The following MAML2 variants were observed in gnomAD, a reference collection of about 807,000 sequenced individuals.
MAML2 encodes mastermind like transcriptional coactivator 2, also known as mastermind-like protein 2.
In MAML2, 22 loss-of-function variants were observed where a neutral mutation model predicts 96.1. The ratio of observed to expected loss-of-function variants is 0.23; its 90% CI spans 0.16 to 0.33. The LOEUF (loss-of-function observed/expected upper bound fraction) is 0.33, where lower values mean the gene tolerates loss of function less well. Among genes scored for constraint, MAML2 ranks in the 10% least tolerant of loss-of-function variants. The pLI, the probability that MAML2 is intolerant of heterozygous loss-of-function variation, is 1.00. For synonymous variants in MAML2, 561 were observed against 521.3 expected (o/e 1.08, Z -1.04); for missense variants, 1,367 against 1,392.4 (o/e 0.98, Z 0.29).
chr11:96,117,457 A>G (rs981866301), intron 1 of MAML2, among the ~76,000 whole-genome samples: 2 of 151,680 alleles, frequency 1.3e-5, no homozygotes, highest in Non-Finnish European at 2.9e-5. Context: ...CACCACACCC[A>G]GCTGATTTTT....
intron 2 of MAML2, among the ~76,000 whole-genome samples, chr11:96,047,569 C>T (rs908725817): frequency 1.3e-5 from 2 of 152,060 alleles, no homozygotes; most frequent in South Asian, 2.1e-4. Context: ...CTTCTTTTCA[C>T]CCCTTCTGAT....
chr11:96,001,665 A>G (rs7949065), intron 2 of MAML2, among the ~76,000 whole-genome samples: 106 of 152,264 alleles, frequency 7.0e-4, no homozygotes, highest in African/African-American at 2.3e-3. Context: ...AAACGTTGGT[A>G]TTTATGAAAG....
chr11:96,337,974 G>C (rs571991722), intron 1 of MAML2, among the ~76,000 whole-genome samples: 1 of 152,308 alleles, frequency 6.6e-6, no homozygotes, highest in South Asian at 2.1e-4. Context: ...AAAACCAAGG[G>C]ATGTAGGCTC....
chr11:96,042,847 C>A lies in MAML2; in HGVS notation c.2139+49045G>T, dbSNP rs11603993. On this transcript the variant is annotated intron_variant, in intron 2 of 4. Transcript: ENST00000524717. Reference sequence around the variant, plus strand: ...GCGTCCTCCAACTTCTGGGTTCAAGCAATTCTCCTGCTTCAGCCTCCTGAG... The same window carrying A: ...GCGTCCTCCAACTTCTGGGTTCAAGAAATTCTCCTGCTTCAGCCTCCTGAG... Among the ~76,000 whole-genome samples, 1,463 of 149,128 alleles carry A rather than the reference C, an allele frequency of 9.8e-3. 29 individuals carry two copies. Among genetic ancestry groups the A allele is most frequent in the African/African-American group, 0.034 (1,379 of 40,256 alleles).
chr11:96,296,629 G>T (rs527416961), intron 1 of MAML2, among the ~76,000 whole-genome samples: 1 of 151,814 alleles, frequency 6.6e-6, no homozygotes, highest in African/African-American at 2.4e-5. Context: ...GGCAACAAAA[G>T]CAAAACTCCA....
At chr11:96,063,290 T>C (rs1254959027) in intron 2 of MAML2, among the ~76,000 whole-genome samples, 1 of 152,164 alleles carries the variant, frequency 6.6e-6, no homozygotes, top group East Asian at 1.9e-4. Flanking sequence ...TGCTTCTCCC[T>C]CTCATAACTT....
intron 1 of MAML2, among the ~76,000 whole-genome samples, chr11:96,232,297 A>G (rs1862304694): frequency 6.6e-6 from 1 of 152,218 alleles, no homozygotes; most frequent in African/African-American, 2.4e-5. Context: ...CCAAGAGAAC[A>G]TATAATTAAG....
At chr11:96,128,636 C>G (rs1841271459) in intron 1 of MAML2, among the ~76,000 whole-genome samples, 1 of 152,136 alleles carries the variant, frequency 6.6e-6, no homozygotes, top group Non-Finnish European at 1.5e-5. Context: ...CTAGGGCTCT[C>G]CAATACCTTT....
chr11:96,132,201 A>G (rs969384494), intron 1 of MAML2, among the ~76,000 whole-genome samples: 1 of 152,264 alleles, frequency 6.6e-6, no homozygotes, highest in Non-Finnish European at 1.5e-5. Flanking sequence ...TGAGCAGGAA[A>G]TTAGGAAAAA....
intron 1 of MAML2, among the ~76,000 whole-genome samples, chr11:96,163,077 A>G (rs1398962802): frequency 1.3e-5 from 2 of 152,222 alleles, no homozygotes; most frequent in Non-Finnish European, 2.9e-5. Flanking sequence ...TCCTATGCCA[A>G]GCAAACTTCA....
intron 1 of MAML2, among the ~76,000 whole-genome samples, chr11:96,169,933 G>A (rs181313656): frequency 6.6e-5 from 10 of 152,234 alleles, no homozygotes; most frequent in African/African-American, 1.9e-4. Context: ...GATTGCAGGC[G>A]TGGGCCACCG....
intron 3 of MAML2, among the ~76,000 whole-genome samples, chr11:95,987,282 C>T (rs942219934): frequency 6.6e-6 from 1 of 152,162 alleles, no homozygotes; most frequent in Admixed American, 6.5e-5. Flanking sequence ...ATCATGGTCT[C>T]AGAGTAACCC....
intron 1 of MAML2, among the ~76,000 whole-genome samples, chr11:96,093,833 C>G (rs746807552): frequency 2.2e-4 from 34 of 152,158 alleles, no homozygotes; most frequent in Non-Finnish European, 4.1e-4. Context: ...TTCACAGTAC[C>G]TAAGATTAAA....
intron 1 of MAML2, among the ~76,000 whole-genome samples, chr11:96,283,431 G>A (rs1377726587): frequency 3.9e-5 from 6 of 152,192 alleles, no homozygotes; most frequent in Non-Finnish European, 7.3e-5. Flanking sequence ...AAGAAACCAT[G>A]AGATGCCATT....
At chr11:96,131,778 G>A (rs1860552981) in intron 1 of MAML2, among the ~76,000 whole-genome samples, 1 of 152,196 alleles carries the variant, frequency 6.6e-6, no homozygotes. Context: ...GAGAGGCTAA[G>A]GCAAGTGGAT....
intron 1 of MAML2, among the ~76,000 whole-genome samples, chr11:96,324,673 C>T (rs1256071566): frequency 6.6e-6 from 1 of 152,146 alleles, no homozygotes; most frequent in Non-Finnish European, 1.5e-5. Flanking sequence ...AAACATTCAT[C>T]GGCTTAAAAA....
intron 2 of MAML2, among the ~76,000 whole-genome samples, chr11:95,995,873 C>T (rs1173874493): frequency 6.6e-6 from 1 of 152,140 alleles, no homozygotes; most frequent in Non-Finnish European, 1.5e-5. Context: ...GGAAGATAAG[C>T]TACACATACC....
chr11:96,329,495 C>T (rs923857423), intron 1 of MAML2, among the ~76,000 whole-genome samples: 1 of 152,132 alleles, frequency 6.6e-6, no homozygotes, highest in African/African-American at 2.4e-5. Context: ...ATTTGAGAAA[C>T]AAAATCAAAT....
intron 1 of MAML2, among the ~76,000 whole-genome samples, chr11:96,149,821 C>G (rs1299564791): frequency 6.6e-6 from 1 of 152,132 alleles, no homozygotes; most frequent in African/African-American, 2.4e-5. Flanking sequence ...CTTCTGTCTT[C>G]TCTCGGTCTC....
Sources: allele counts gnomAD v4.1 joint callset (sites outside exome capture counted in the v4.1 genomes callset), GRCh38; gene constraint gnomAD v4.1.1; transcripts MANE v1.5; gene names NCBI Gene and HGNC (gene_info 2026-07-23, HGNC 2026-07-21).